Variants in NMS observed in about 807,000 individuals in gnomAD.
NMS encodes neuromedin-S.
Under a neutral mutation model 32.2 loss-of-function variants are expected in NMS, and 30 were observed. That is an observed-to-expected ratio of 0.93 (90% CI 0.70 to 1.26). NMS has a LOEUF of 1.26. Ranked by LOEUF, NMS falls within the 50% of genes most tolerant of loss-of-function variation. The pLI, the probability that NMS is intolerant of heterozygous loss-of-function variation, is 0.00. For missense variants in NMS, 190 were observed against 186.3 expected (o/e 1.02, Z -0.12); for synonymous variants, 76 against 58.5 (o/e 1.30, Z -1.37).
At chr2:100,479,460 G>GC (rs774497068) in intron 6 of NMS, 33 bp downstream of exon 6, 5 of 1,559,742 alleles carry the variant, frequency 3.2e-6, no homozygotes, top group Non-Finnish European at 4.4e-6. Flanking sequence ...CATAGTTTAT[G>GC]CCCCTCACAG....
chr2:100,471,857 T>A (rs1050866101), intron 1 of NMS, among the ~76,000 whole-genome samples: 7 of 152,226 alleles, frequency 4.6e-5, no homozygotes, highest in Non-Finnish European at 1.0e-4. Context: ...CTCTTACTTA[T>A]TGAAGTTCTC....
Position 100,478,905 on chromosome 2 carries a change from G to A in NMS, c.262-448G>A, listed in dbSNP as rs116684922. On this transcript the variant is annotated intron_variant, in intron 5 of 9. Coordinates refer to ENST00000376865, the MANE Select transcript of NMS (RefSeq NM_001011717.1). Reference sequence around the variant, plus strand: ...TCACAAGGACTAGATGAGGATAGGCGTGTACACCTGGGTACGCACGGCAGT... The same window carrying A: ...TCACAAGGACTAGATGAGGATAGGCATGTACACCTGGGTACGCACGGCAGT... Among the ~76,000 whole-genome samples, 1,433 of 152,324 alleles carry A rather than the reference G, an allele frequency of 9.4e-3. 20 individuals carry two copies. Among genetic ancestry groups the A allele is most frequent in the African/African-American group, 0.032 (1,320 of 41,570 alleles).
intron 6 of NMS, among the ~76,000 whole-genome samples, chr2:100,479,767 G>A (rs553529754): frequency 5.3e-5 from 8 of 152,110 alleles, no homozygotes; most frequent in Admixed American, 2.6e-4. Context: ...GACACGAAAC[G>A]CCCTGGCGAT....
At chr2:100,478,663 C>T (rs1445454676) in intron 5 of NMS, among the ~76,000 whole-genome samples, 1 of 152,172 alleles carries the variant, frequency 6.6e-6, no homozygotes, top group Non-Finnish European at 1.5e-5. Flanking sequence ...GGGGTTTCAC[C>T]ATGTTGGCCA....
At position 100,480,527 on chromosome 2, in the gene NMS, A is replaced by G. The variant is rs925387517; in HGVS notation, c.368A>G (p.Lys123Arg). Residue 123 changes from lysine (K) to arginine (R), a missense_variant, in exon 7 of 10, where the codon AAG becomes AGG. Coordinates refer to ENST00000376865, the MANE Select transcript of NMS (RefSeq NM_001011717.1). ...GGGACTGCTGCAGTGGACTTCACCA[A>G]GAAGGTACACAAGAGCCTTGGAGAC... ...GSGTAAVDFT[K>R]KDHTATWGRP... The G allele has an allele frequency of 6.8e-6, 11 of 1,612,902 alleles. No individual in the cohort carries two copies. The highest frequency in any genetic ancestry group is 8.5e-6 in the Non-Finnish European group (10 of 1,180,002).
At position 100,473,497 on chromosome 2, in the gene NMS, A is replaced by C. The variant is rs756942142; in HGVS notation, c.141A>C (p.Ala47=). Residue 47 remains alanine, a synonymous_variant, in exon 3 of 10, where the codon GCA becomes GCC. Transcript: ENST00000376865. ...TTCATTTTATTTTTTAGCAGCTGGC[A>C]TATTGTCTGAGTCAGTGGGCACCTC... ...GLDIVQLEQL[A]YCLSQWAPLS... 1 of 1,488,166 alleles carries C rather than the reference A, an allele frequency of 6.7e-7. No homozygotes were observed. The highest frequency in any genetic ancestry group is 9.0e-7 in the Non-Finnish European group (1 of 1,108,656). 92.2% of individuals were successfully genotyped at this position (1,488,166 alleles called of 1,614,324 possible). A position where few individuals can be genotyped will look rare whatever the true frequency, so the allele number is the denominator to read the frequency against.
rs747159306 is a variant in NMS at position 100,483,241 on chromosome 2, T to C, written c.450-11T>C. ...TGAACTGAGCAGTGCATTTTTCTTT[T>C]CTTTTTTTAGGATTCAGTGGTGAAA... On this transcript the variant is annotated splice_polypyrimidine_tract_variant and intron_variant, in intron 9 of 9. Coordinates refer to ENST00000376865, the MANE Select transcript of NMS (RefSeq NM_001011717.1). 5 of 1,612,104 alleles carry C rather than the reference T, an allele frequency of 3.1e-6. No homozygotes were observed. The highest frequency in any genetic ancestry group is 4.2e-6 in the Non-Finnish European group (5 of 1,178,658).
chr2:100,479,328 C>T (rs1677171443), intron 5 of NMS, 25 bp from the exon 6 acceptor site: 1 of 1,586,164 alleles, frequency 6.3e-7, no homozygotes, highest in Non-Finnish European at 8.6e-7. Context: ...CCCTGTCTGA[C>T]CCTCTCCGCG....
At chr2:100,482,775 G>A (rs1178577802) in intron 9 of NMS, among the ~76,000 whole-genome samples, 5 of 152,178 alleles carry the variant, frequency 3.3e-5, no homozygotes, top group African/African-American at 9.7e-5. Flanking sequence ...CCTTCCAATG[G>A]TGCTCTGAGA....
chr2:100,479,640 C>T (rs1053891605), intron 6 of NMS, among the ~76,000 whole-genome samples: 3 of 152,162 alleles, frequency 2.0e-5, no homozygotes, highest in South Asian at 2.1e-4. Flanking sequence ...TTGAAGGGCC[C>T]GGGGAGAGAC....
At chr2:100,478,910 C>T (rs1428093752) in intron 5 of NMS, among the ~76,000 whole-genome samples, 1 of 152,188 alleles carries the variant, frequency 6.6e-6, no homozygotes, top group African/African-American at 2.4e-5. Flanking sequence ...TAGGCGTGTA[C>T]ACCTGGGTAC....
intron 3 of NMS, among the ~76,000 whole-genome samples, chr2:100,476,276 A>G (rs1677108442): frequency 6.6e-6 from 1 of 152,192 alleles, no homozygotes; most frequent in Admixed American, 6.5e-5. Flanking sequence ...CTAGTTAAAA[A>G]TGGTGATTAT....
intron 6 of NMS, 87 bp downstream of exon 6, chr2:100,479,514 C>A: frequency 8.8e-7 from 1 of 1,138,524 alleles, no homozygotes; most frequent in Non-Finnish European, 1.3e-6. Flanking sequence ...TTGGGGCTTG[C>A]TGTCATTCTC....
In NMS at chr2:100,477,405, T is replaced by G. The variant is rs1222080801; in HGVS notation, c.252T>G (p.Val84=). Residue 84 remains valine (V), a synonymous_variant, in exon 5 of 10, where the codon GTT becomes GTG. Coordinates refer to ENST00000376865, the MANE Select transcript of NMS (RefSeq NM_001011717.1). Reference sequence around the variant, plus strand: ...GAACTCAGGAGGCAACACATCCAGTTAAAACTGGGGTCAGTATTTTATTAT... The same window carrying G: ...GAACTCAGGAGGCAACACATCCAGTGAAAACTGGGGTCAGTATTTTATTAT... The part of the protein sequence containing the change: ...YSRTQEATHP[V]KTGFPPVHPL... The G allele has an allele frequency of 6.2e-7, 1 of 1,611,824 alleles. No homozygotes were observed. The highest frequency in any genetic ancestry group is 1.3e-5 in the African/African-American group (1 of 74,898).
At chr2:100,475,638 A>C (rs1465938525) in intron 3 of NMS, among the ~76,000 whole-genome samples, 4 of 152,230 alleles carry the variant, frequency 2.6e-5, no homozygotes, top group Non-Finnish European at 4.4e-5. Flanking sequence ...TGGCATTTGT[A>C]TACTAGTTGG....
chr2:100,479,837 C>A (rs1677182597), intron 6 of NMS, among the ~76,000 whole-genome samples: 1 of 152,210 alleles, frequency 6.6e-6, no homozygotes, highest in Non-Finnish European at 1.5e-5. Flanking sequence ...TTTCTTCTTT[C>A]ATTTTTATTT....
chr2:100,479,516 G>T (rs1677176390), intron 6 of NMS, 89 bp downstream of exon 6: 2 of 1,135,894 alleles, frequency 1.8e-6, no homozygotes, highest in Admixed American at 2.2e-5. Context: ...GGGGCTTGCT[G>T]TCATTCTCTC....
chr2:100,473,674 A>G (rs1677049350), intron 3 of NMS, 135 bp downstream of exon 3: 1 of 261,532 alleles, frequency 3.8e-6, no homozygotes, highest in Non-Finnish European at 7.2e-6. Context: ...TTTAGAAAAA[A>G]TCAAGCAAAT....
At chr2:100,480,192 A>G (rs1310196740) in intron 6 of NMS, among the ~76,000 whole-genome samples, 1 of 152,230 alleles carries the variant, frequency 6.6e-6, no homozygotes, top group Non-Finnish European at 1.5e-5. Context: ...ATCCTTTAAA[A>G]GTTTCCTAAG....
Sources: allele counts gnomAD v4.1 joint callset (sites outside exome capture counted in the v4.1 genomes callset), GRCh38; gene constraint gnomAD v4.1.1; transcripts MANE v1.5; gene names NCBI Gene and HGNC (gene_info 2026-07-23, HGNC 2026-07-21).